Variants in GPC6 observed in about 807,000 individuals in gnomAD.
GPC6 encodes the protein glypican-6.
In GPC6, 14 loss-of-function variants were observed where a neutral mutation model predicts 55.2. The ratio of observed to expected loss-of-function variants is 0.25; its 90% CI spans 0.17 to 0.40. The LOEUF (loss-of-function observed/expected upper bound fraction) is 0.40, where lower values mean the gene tolerates loss of function less well. Ranked by LOEUF, GPC6 falls within the 10% of genes least tolerant of loss-of-function variation. GPC6 has a pLI of 1.00. For missense variants in GPC6, 641 were observed against 708.5 expected (o/e 0.90, Z 1.08); for synonymous variants, 278 against 259.6 (o/e 1.07, Z -0.68).
chr13:94,220,062 A>C (rs1406169967), intron 4 of GPC6, among the ~76,000 whole-genome samples: 3 of 152,156 alleles, frequency 2.0e-5, no homozygotes, highest in African/African-American at 7.2e-5. Flanking sequence ...TCAACAGAGT[A>C]GGTCCAGTTT....
intron 4 of GPC6, among the ~76,000 whole-genome samples, chr13:94,157,765 T>G (rs1224050597): frequency 1.3e-5 from 2 of 152,022 alleles, no homozygotes; most frequent in African/African-American, 4.8e-5. Context: ...GAATGAAAAC[T>G]GGAAGGCAGG....
chr13:93,909,142 C>T (rs1396874369), intron 3 of GPC6, among the ~76,000 whole-genome samples: 2 of 152,176 alleles, frequency 1.3e-5, no homozygotes, highest in African/African-American at 4.8e-5. Context: ...CAATCAATAT[C>T]TTCCAAATAA....
At chr13:93,356,229 T>C (rs937167226) in intron 1 of GPC6, among the ~76,000 whole-genome samples, 1 of 152,206 alleles carries the variant, frequency 6.6e-6, no homozygotes, top group Non-Finnish European at 1.5e-5. Context: ...ATTCATACAA[T>C]TAATCTTCTA....
Position 94,102,400 on chromosome 13 carries a change from G to C in GPC6, c.877+74506G>C, listed in dbSNP as rs142450041. On this transcript the variant is annotated intron_variant, in intron 4 of 8. Transcript: ENST00000377047. Reference sequence around the variant, plus strand: ...CTGTAACCTTATGTGGCTCTCCAGGGGCCTACTTTTAAGACCTTCCCCCAA... The same window carrying C: ...CTGTAACCTTATGTGGCTCTCCAGGCGCCTACTTTTAAGACCTTCCCCCAA... Among the ~76,000 whole-genome samples, 89 of 152,000 alleles carry C rather than the reference G, an allele frequency of 5.9e-4. 1 individual carries two copies. The East Asian group carries it at 0.015, about 26-fold the overall frequency.
chr13:94,359,763 G>C (rs1878970576), intron 6 of GPC6, among the ~76,000 whole-genome samples: 1 of 151,950 alleles, frequency 6.6e-6, no homozygotes, highest in Non-Finnish European at 1.5e-5. Context: ...TCAGATTCCA[G>C]TGTGCTTCCA....
At chr13:93,612,042 G>A (rs1173476932) in intron 2 of GPC6, among the ~76,000 whole-genome samples, 1 of 152,178 alleles carries the variant, frequency 6.6e-6, no homozygotes, top group Non-Finnish European at 1.5e-5. Flanking sequence ...AAACTGCTTA[G>A]TAAGGATACT....
intron 4 of GPC6, among the ~76,000 whole-genome samples, chr13:94,183,076 C>A (rs1222201446): frequency 1.3e-5 from 2 of 152,216 alleles, no homozygotes; most frequent in Non-Finnish European, 1.5e-5. Context: ...CTGCACCCAG[C>A]CTTCACCATT....
At chr13:93,729,474 A>G (rs572452533) in intron 2 of GPC6, among the ~76,000 whole-genome samples, 4 of 152,330 alleles carry the variant, frequency 2.6e-5, no homozygotes, top group African/African-American at 9.6e-5. Context: ...AGAAGTATCA[A>G]TGAAAACCTC....
intron 3 of GPC6, among the ~76,000 whole-genome samples, chr13:93,857,560 A>G (rs1379719528): frequency 6.6e-6 from 1 of 151,656 alleles, no homozygotes; most frequent in Non-Finnish European, 1.5e-5. Context: ...GCCCACTTTC[A>G]GGTCTTTGGA....
intron 2 of GPC6, among the ~76,000 whole-genome samples, chr13:93,752,243 G>A (rs886342847): frequency 6.6e-6 from 1 of 152,000 alleles, no homozygotes; most frequent in African/African-American, 2.4e-5. Flanking sequence ...ACGGTATGGA[G>A]GAGTTAGATG....
chr13:94,136,186 CT>C (rs11321467), intron 4 of GPC6, among the ~76,000 whole-genome samples: 51,161 of 138,750 alleles, frequency 0.37, 8,322 homozygotes, highest in South Asian at 0.45. Flanking sequence ...AGTTTAGCAT[CT>C]TTTTTTTTTT....
At chr13:94,130,168 G>C (rs1886960294) in intron 4 of GPC6, among the ~76,000 whole-genome samples, 1 of 152,064 alleles carries the variant, frequency 6.6e-6, no homozygotes, top group Admixed American at 6.6e-5. Context: ...ATATTTGAAG[G>C]ATTTAAAGTT....
intron 4 of GPC6, among the ~76,000 whole-genome samples, chr13:94,216,818 T>C (rs1890238971): frequency 6.6e-6 from 1 of 152,166 alleles, no homozygotes; most frequent in Non-Finnish European, 1.5e-5. Flanking sequence ...GCAAAAATGT[T>C]TCAAGTCTTC....
intron 3 of GPC6, among the ~76,000 whole-genome samples, chr13:93,895,379 A>G (rs1052406995): frequency 1.3e-5 from 2 of 151,016 alleles, no homozygotes; most frequent in Non-Finnish European, 3.0e-5. Context: ...AGTTACAGAA[A>G]TAGAGGCACA....
At chr13:93,641,472 CT>C (rs1460896279) in intron 2 of GPC6, among the ~76,000 whole-genome samples, 1 of 152,086 alleles carries the variant, frequency 6.6e-6, no homozygotes, top group Non-Finnish European at 1.5e-5. Context: ...GAAGATCTTT[CT>C]TTCTCCATGT....
intron 2 of GPC6, among the ~76,000 whole-genome samples, chr13:93,739,967 C>T (rs1213597776): frequency 1.3e-5 from 2 of 152,068 alleles, no homozygotes; most frequent in African/African-American, 2.4e-5. Context: ...GAAGGGTTTT[C>T]ATTGTATGGG....
chr13:94,291,511 G>A (rs1239040643), intron 5 of GPC6, among the ~76,000 whole-genome samples: 1 of 152,128 alleles, frequency 6.6e-6, no homozygotes, highest in Non-Finnish European at 1.5e-5. Context: ...AACACCAACA[G>A]GATTTGCTGG....
At chr13:93,305,583 T>C (rs771691611) in intron 1 of GPC6, among the ~76,000 whole-genome samples, 1 of 152,200 alleles carries the variant, frequency 6.6e-6, no homozygotes, top group Non-Finnish European at 1.5e-5. Context: ...CTGATACTAC[T>C]GAAGGTAGGA....
chr13:93,651,368 T>C (rs1208082239), intron 2 of GPC6, among the ~76,000 whole-genome samples: 1 of 151,892 alleles, frequency 6.6e-6, no homozygotes, highest in African/African-American at 2.4e-5. Context: ...CAGAATTAAC[T>C]GAAAAGAAAA....
Sources: gnomAD v4.1 joint callset for allele counts (sites outside exome capture counted in the v4.1 genomes callset) on GRCh38, gnomAD v4.1.1 for gene constraint, MANE v1.5 for transcripts, NCBI Gene and HGNC (gene_info 2026-07-23, HGNC 2026-07-21) for gene names.